Variants in ZNF804A observed in about 807,000 individuals in gnomAD.
ZNF804A encodes zinc finger protein 804A.
ZNF804A carries 2 observed loss-of-function variants against 16.5 expected under a neutral mutation model. That is an observed-to-expected ratio of 0.12 (90% CI 0.05 to 0.38). The LOEUF (loss-of-function observed/expected upper bound fraction) is 0.38. Ranked by LOEUF, ZNF804A falls within the 10% of genes least tolerant of loss-of-function variation. The pLI is 0.99. For synonymous variants in ZNF804A, 534 were observed against 489.6 expected, an observed-to-expected ratio of 1.09 and a Z score of -1.20; for missense variants, 1,473 against 1,390.7, an observed-to-expected ratio of 1.06 and a Z score of -0.94.
At chr2:184,621,066 G>A (rs1240653612) in intron 1 of ZNF804A, among the ~76,000 whole-genome samples, 4 of 151,426 alleles carry the variant, frequency 2.6e-5, no homozygotes, top group Non-Finnish European at 5.9e-5. Context: ...ATTCAAGTCT[G>A]TCAGTTTTGG....
At chr2:184,692,499 C>A (rs1692748635) in intron 1 of ZNF804A, among the ~76,000 whole-genome samples, 1 of 152,142 alleles carries the variant, frequency 6.6e-6, no homozygotes, top group African/African-American at 2.4e-5. Flanking sequence ...AGCATTACTC[C>A]TAGTCAGCGA....
chr2:184,674,806 G>A (rs1036302511), intron 1 of ZNF804A, among the ~76,000 whole-genome samples: 1 of 151,360 alleles, frequency 6.6e-6, no homozygotes, highest in African/African-American at 2.4e-5. Flanking sequence ...AAAAAAAGTA[G>A]AATTATAAAA....
intron 1 of ZNF804A, among the ~76,000 whole-genome samples, chr2:184,607,136 A>C (rs770139112): frequency 5.9e-5 from 9 of 152,156 alleles, no homozygotes; most frequent in Non-Finnish European, 8.8e-5. Flanking sequence ...TCTCTCAATC[A>C]ACACACCTCA....
At chr2:184,695,907 C>T (rs2105728392) in intron 1 of ZNF804A, among the ~76,000 whole-genome samples, 1 of 152,232 alleles carries the variant, frequency 6.6e-6, no homozygotes, top group Non-Finnish European at 1.5e-5. Context: ...GTACCATTTG[C>T]TGAACAGAGA....
chr2:184,695,834 A>T (rs1466446473), intron 1 of ZNF804A, among the ~76,000 whole-genome samples: 1 of 152,176 alleles, frequency 6.6e-6, no homozygotes, highest in African/African-American at 2.4e-5. Context: ...ATATGTATAT[A>T]TATTTTTACT....
intron 1 of ZNF804A, among the ~76,000 whole-genome samples, chr2:184,766,623 G>A (rs1694132475): frequency 1.4e-5 from 2 of 143,868 alleles, no homozygotes; most frequent in Non-Finnish European, 3.0e-5. Context: ...TAATATGGTG[G>A]TTGCTCAAAA....
chr2:184,883,181 T>C (rs943792313), intron 2 of ZNF804A, among the ~76,000 whole-genome samples: 11 of 151,924 alleles, frequency 7.2e-5, no homozygotes, highest in African/African-American at 2.7e-4. Context: ...CCAAAAGAAA[T>C]GGATAAATGC....
At chr2:184,713,854 A>G (rs138538477) in intron 1 of ZNF804A, among the ~76,000 whole-genome samples, 47 of 152,132 alleles carry the variant, frequency 3.1e-4, no homozygotes, top group Admixed American at 5.2e-4. Context: ...AGAGGAAATA[A>G]TATGTTGTGT....
intron 1 of ZNF804A, among the ~76,000 whole-genome samples, chr2:184,813,491 T>G (rs960608710): frequency 6.6e-6 from 1 of 152,094 alleles, no homozygotes; most frequent in African/African-American, 2.4e-5. Context: ...AAATATTGGT[T>G]GAGATTCTGG....
intron 1 of ZNF804A, among the ~76,000 whole-genome samples, chr2:184,836,544 CTCAT>C (rs1216019174): frequency 1.3e-5 from 2 of 152,018 alleles, no homozygotes; most frequent in Non-Finnish European, 2.9e-5. Flanking sequence ...ATTAGATAAA[CTCAT>C]TCATTATTAT....
rs10689377 is a variant in ZNF804A, at chr2:184,599,088, C to CCTCTCT, written c.111+28_111+33dup. ...AAACTCTGGTAATCGCTTCTGTTTT[C>CCTCTCT]CTCTCTCTCTCTCTCATATTTAAGA... On this transcript the variant is annotated intron_variant, in intron 1 of 3. Coordinates refer to ENST00000302277, the MANE Select transcript of ZNF804A (RefSeq NM_194250.2). 7 of 1,365,822 alleles carry CCTCTCT rather than the reference C, an allele frequency of 5.1e-6. No individual in the cohort carries two copies. Among genetic ancestry groups the CCTCTCT allele is most frequent in the Non-Finnish European group, 7.3e-6 (7 of 963,204 alleles). The allele number at this position is 1,365,822 out of a possible 1,614,324, so 84.6% of individuals were successfully genotyped here.
intron 1 of ZNF804A, among the ~76,000 whole-genome samples, chr2:184,721,276 C>T (rs1056791044): frequency 1.2e-4 from 19 of 152,088 alleles, no homozygotes; most frequent in African/African-American, 4.6e-4. Flanking sequence ...AGTTTCTGCA[C>T]AGCAAAGAAA....
At chr2:184,854,857 G>A (rs1327223377) in intron 1 of ZNF804A, among the ~76,000 whole-genome samples, 1 of 151,950 alleles carries the variant, frequency 6.6e-6, no homozygotes, top group African/African-American at 2.4e-5. Context: ...CATGAAACAA[G>A]CAAAGATCTA....
chr2:184,628,313 G>GA (rs1168768618), intron 1 of ZNF804A, among the ~76,000 whole-genome samples: 2 of 150,648 alleles, frequency 1.3e-5, no homozygotes, highest in Admixed American at 6.6e-5. Flanking sequence ...AACCGTCTCT[G>GA]AAAAAGAAAA....
intron 1 of ZNF804A, among the ~76,000 whole-genome samples, chr2:184,844,288 T>C (rs1001726822): frequency 6.6e-6 from 1 of 151,986 alleles, no homozygotes; most frequent in Admixed American, 6.6e-5. Flanking sequence ...TTTGGATCAA[T>C]TAAGATTCTG....
Position 184,920,756 on chromosome 2 carries a change from G to T in ZNF804A, c.256-12847G>T, listed in dbSNP as rs548193371. Among the ~76,000 whole-genome samples the T allele has an allele frequency of 1.8e-4, 28 of 152,312 alleles. No homozygotes were observed. In the South Asian group the frequency reaches 5.4e-3, roughly 29 times the overall value. ...AAGAAACTGCTGGCAGCCTCTAGTTGCTTGGAATGGCCTTGGCTGACAGCC... is the reference window on the plus strand; with the variant it reads ...AAGAAACTGCTGGCAGCCTCTAGTTTCTTGGAATGGCCTTGGCTGACAGCC... On this transcript the variant is annotated intron_variant, in intron 2 of 3. Transcript: ENST00000302277.
chr2:184,639,669 T>C (rs1447259997), intron 1 of ZNF804A, among the ~76,000 whole-genome samples: 7 of 152,166 alleles, frequency 4.6e-5, no homozygotes, highest in Admixed American at 4.6e-4. Flanking sequence ...ATTTTGAGTG[T>C]TTAAATTCAT....
At chr2:184,930,931 G>C (rs1026887961) in intron 2 of ZNF804A, among the ~76,000 whole-genome samples, 1 of 152,194 alleles carries the variant, frequency 6.6e-6, no homozygotes, top group African/African-American at 2.4e-5. Context: ...AAAGTAAAGA[G>C]GTTTGACTCA....
chr2:184,745,124 T>A (rs977477477), intron 1 of ZNF804A, among the ~76,000 whole-genome samples: 2 of 151,902 alleles, frequency 1.3e-5, no homozygotes, highest in Non-Finnish European at 2.9e-5. Flanking sequence ...ACATGCTTAG[T>A]GTATTATACC....
Sources: allele counts gnomAD v4.1 joint callset (sites outside exome capture counted in the v4.1 genomes callset), GRCh38; gene constraint gnomAD v4.1.1; transcripts MANE v1.5; gene names NCBI Gene and HGNC (gene_info 2026-07-23, HGNC 2026-07-21).